DNAH1: variants seen among roughly 807,000 people sequenced by gnomAD.
DNAH1 encodes dynein axonemal heavy chain 1.
A neutral mutation model predicts 484.3 loss-of-function variants in DNAH1; 327 were observed. The ratio of observed to expected loss-of-function variants is 0.68; its 90% CI spans 0.62 to 0.74. The LOEUF (loss-of-function observed/expected upper bound fraction) is 0.74. Among genes scored for constraint, DNAH1 ranks in the 30% least tolerant of loss-of-function variants. The pLI, the probability that DNAH1 is intolerant of heterozygous loss-of-function variation, is 0.00. For missense variants in DNAH1, 5,052 were observed against 5,546.8 expected, an observed-to-expected ratio of 0.91 and a Z score of 2.83; for synonymous variants, 2,192 against 2,191.9, an observed-to-expected ratio of 1.00 and a Z score of 0.00.
At chr3:52,315,172 G>A (rs908636366), upstream of DNAH1, among the ~76,000 whole-genome samples, 7 of 152,148 alleles carry the variant, frequency 4.6e-5, no homozygotes, top group East Asian at 3.9e-4. Flanking sequence ...GACACCCCCC[G>A]CCCCCGATGC....
At position 52,378,608 on chromosome 3, in the gene DNAH1, C is replaced by A. The variant is rs749728449; in HGVS notation, c.7205C>A (p.Ala2402Asp). ...CATTCTCCTATTCCCCCAGCTGGGG[C>A]CCCCCACATTGCCCACTTCACGGAG... ...EKSYRERVPG[A>D]PHIAHFTEPL... Residue 2402 changes from alanine (A) to aspartate (D), a missense_variant, in exon 47 of 78, where the codon GCC (alanine) becomes GAC (aspartate). By Grantham distance (126) the Ala-to-Asp change is moderately radical. Transcript: ENST00000420323. 2 of 1,613,218 alleles carry A rather than the reference C, an allele frequency of 1.2e-6. No homozygotes were observed. Among genetic ancestry groups the A allele is most frequent in the Admixed American group, 1.7e-5 (1 of 59,996 alleles).
chr3:52,386,113 A>G (rs1419564422), intron 54 of DNAH1, 47 bp from the exon 55 acceptor site: 1 of 1,565,284 alleles, frequency 6.4e-7, no homozygotes, highest in South Asian at 1.2e-5. Flanking sequence ...ACTAAGATGC[A>G]GAGAAGAGAA....
chr3:52,345,499 G>A lies in DNAH1; in HGVS notation c.1449G>A (p.Leu483=). 6.4e-7 allele frequency: 1 copy of A among 1,562,244 alleles called. No homozygotes were observed. The highest frequency in any genetic ancestry group is 2.4e-5 in the East Asian group (1 of 41,720). The change falls in exon 10 of 78, where the codon CTG becomes CTA. Residue 483 remains leucine, a synonymous_variant. Coordinates refer to ENST00000420323, the MANE Select transcript of DNAH1 (RefSeq NM_015512.5). ...CCTTGGCCCCTATCCCTGCAGGGCT[G>A]GTGAGTGTCCCCAAGTACCACTTCT... ...KEEEQVPERG[L]VSVPKYHFWE...
upstream of DNAH1, among the ~76,000 whole-genome samples, chr3:52,315,240 A>G (rs1418631497): frequency 6.6e-6 from 1 of 152,162 alleles, no homozygotes; most frequent in African/African-American, 2.4e-5. Flanking sequence ...AATCAGAGGA[A>G]GATCCTGGGG....
At chr3:52,383,809 G>T in intron 51 of DNAH1, 51 bp from the exon 52 acceptor site, 1 of 1,530,382 alleles carries the variant, frequency 6.5e-7, no homozygotes. Context: ...CTGGGCTCCT[G>T]GGGTCGTTGG....
At chr3:52,336,280 A>G (rs967897658) in intron 8 of DNAH1, among the ~76,000 whole-genome samples, 2 of 152,148 alleles carry the variant, frequency 1.3e-5, no homozygotes, top group African/African-American at 4.8e-5. Flanking sequence ...GCTGGACAAG[A>G]TGGCTGACAC....
chr3:52,358,438 G>T lies in DNAH1; in HGVS notation c.4087-120G>T, dbSNP rs1559525511. The T allele has an allele frequency of 3.6e-6, 4 of 1,111,154 alleles. No individual in the cohort carries two copies. The highest frequency in any genetic ancestry group is 5.0e-6 in the Non-Finnish European group (4 of 798,436). 68.8% of individuals were successfully genotyped at this position (1,111,154 alleles called of 1,614,324 possible). ...CCAAGATAGACTCTCGGGGGGACGG[G>T]AAGGCAGGGCTTTCTTCTTGAGGTG... On this transcript the variant is annotated intron_variant, in intron 24 of 77. Transcript: ENST00000420323. This position sits in a 1 kb window ranked among gnomAD's most constrained non-coding sequence, Gnocchi z 4.2.
At chr3:52,328,396 G>T (rs1196905559) in intron 6 of DNAH1, among the ~76,000 whole-genome samples, 1 of 151,876 alleles carries the variant, frequency 6.6e-6, no homozygotes, top group African/African-American at 2.4e-5. Context: ...TTTCACTTTT[G>T]TGTGCACAAC....
At position 52,366,876 on chromosome 3, in the gene DNAH1, C is replaced by T. The variant is rs1559536603; in HGVS notation, c.5754C>T (p.Leu1918=). 1.9e-6 allele frequency: 3 copies of T among 1,612,790 alleles called. No homozygotes were observed. The highest frequency in any genetic ancestry group is 2.7e-5 in the African/African-American group (2 of 75,034). Residue 1918 remains leucine, a synonymous_variant, in exon 36 of 78, where the codon CTC becomes CTT. Coordinates refer to ENST00000420323, the MANE Select transcript of DNAH1 (RefSeq NM_015512.5). ...AGCTGTACGGGGAGTTTGACCTCCT[C>T]ACCCATGAGTGGTGAGTGACCCCCC... ...MGQLYGEFDL[L]THEWTDGIFS...
At chr3:52,356,968 T>A (rs1402474861) in intron 22 of DNAH1, among the ~76,000 whole-genome samples, 190 bp downstream of exon 22, 1 of 151,864 alleles carries the variant, frequency 6.6e-6, no homozygotes, top group East Asian at 1.9e-4. Flanking sequence ...GCACAGTCAC[T>A]GACGGTTTTT....
chr3:52,340,408 T>A (rs952365160), intron 8 of DNAH1, among the ~76,000 whole-genome samples: 1 of 148,158 alleles, frequency 6.7e-6, no homozygotes, highest in Non-Finnish European at 1.5e-5. Context: ...TCTGGTAGGA[T>A]TTTATTTATT....
upstream of DNAH1, among the ~76,000 whole-genome samples, chr3:52,312,354 A>C (rs1346830278): frequency 6.6e-6 from 1 of 152,014 alleles, no homozygotes; most frequent in African/African-American, 2.4e-5. Flanking sequence ...GTTGGACCAC[A>C]TGGAGACCTG....
rs776399291 is a variant in DNAH1, at chr3:52,327,974, G to A, written c.831G>A (p.Pro277=). 3.5e-5 allele frequency: 56 copies of A among 1,613,940 alleles called. No individual in the cohort carries two copies. The highest frequency in any genetic ancestry group is 6.6e-5 in the South Asian group (6 of 91,074). The change falls in exon 6 of 78, where the codon CCG becomes CCA. Residue 277 remains proline (P), a synonymous_variant. Transcript: ENST00000420323. ...GGTCTCTGGACAGGAAACCTGTCCC[G>A]GGAAAAGCCCTCTTGCCCACTGATG... The part of the protein sequence containing the change: ...EPGSLDRKPV[P]GKALLPTDDF...
In DNAH1 at chr3:52,370,112, A is replaced by G; in HGVS notation, c.6141A>G (p.Glu2047=). Residue 2047 remains glutamate, a splice_region_variant and synonymous_variant, in exon 39 of 78, where the codon GAA becomes GAG. Coordinates refer to ENST00000420323, the MANE Select transcript of DNAH1 (RefSeq NM_015512.5). The part of the protein sequence containing the change: ...FKALFVSFLE[E]SISFVRSSVK... The stretch of plus-strand genomic sequence containing the variant: ...AACTGGGTGCCTACTCCCTGCAGGA[A>G]TCCATCTCCTTCGTTCGGTCCTCAG... 1.2e-6 allele frequency: 2 copies of G among 1,614,002 alleles called. No homozygotes were observed. Among genetic ancestry groups the G allele is most frequent in the Non-Finnish European group, 1.7e-6 (2 of 1,179,878 alleles).
chr3:52,365,028 C>A lies in DNAH1; in HGVS notation c.5518+9C>A. On this transcript the variant is annotated intron_variant, in intron 34 of 77. Transcript: ENST00000420323. ...CCTCAAGGATGTGGAGGGTGAGCCT[C>A]GGGCCCTGAGTGTTCGTGGAGGGGC... 6.2e-7 allele frequency: 1 copy of A among 1,603,472 alleles called. No homozygotes were observed. The highest frequency in any genetic ancestry group is 1.1e-5 in the South Asian group (1 of 90,332).
rs1237516326 is a variant in DNAH1, at chr3:52,356,636, A to G, written c.3716A>G (p.Asn1239Ser). The G allele has an allele frequency of 6.2e-7, 1 of 1,613,574 alleles. No individual in the cohort carries two copies. Reference sequence around the variant, plus strand: ...CAGGAGGTTCTGGAGGAGTGGCTGAACTGTCAGCGGTCCTGGCTCTACCTG... The same window carrying G: ...CAGGAGGTTCTGGAGGAGTGGCTGAGCTGTCAGCGGTCCTGGCTCTACCTG... ...LTQEVLEEWL[N>S]CQRSWLYLEP... Residue 1239 changes from asparagine to serine, a missense_variant, in exon 22 of 78, where the codon AAC becomes AGC. Transcript: ENST00000420323.
At position 52,364,731 on chromosome 3, in the gene DNAH1, T is replaced by C. The variant is rs1046283084; in HGVS notation, c.5331+7T>C. On this transcript the variant is annotated splice_region_variant and intron_variant, in intron 33 of 77. Transcript: ENST00000420323. This position sits in a 1 kb window ranked among gnomAD's most constrained non-coding sequence, Gnocchi z 4.2. Reference sequence around the variant, plus strand: ...AAACCCCAGCATGAATGAGGTGAGCTCCACCCAGCAGGGCTCCAGGAGTGG... The same window carrying C: ...AAACCCCAGCATGAATGAGGTGAGCCCCACCCAGCAGGGCTCCAGGAGTGG... The C allele has an allele frequency of 7.5e-5, 121 of 1,612,002 alleles. No individual in the cohort carries two copies. The highest frequency in any genetic ancestry group is 1.0e-4 in the Non-Finnish European group (118 of 1,178,922).
intron 12 of DNAH1, among the ~76,000 whole-genome samples, chr3:52,348,222 A>G (rs961528496): frequency 2.6e-5 from 4 of 152,184 alleles, no homozygotes. Flanking sequence ...TGTAGCTGCT[A>G]ATGTCAGATT....
At chr3:52,348,810 A>C in intron 12 of DNAH1, 78 bp from the exon 13 acceptor site, 1 of 1,509,088 alleles carries the variant, frequency 6.6e-7, no homozygotes, top group Non-Finnish European at 9.0e-7. Flanking sequence ...GCTCCTCGGG[A>C]GGACTCCCCA....
Sources: allele counts gnomAD v4.1 joint callset (sites outside exome capture counted in the v4.1 genomes callset), GRCh38; gene constraint gnomAD v4.1.1; non-coding constraint Gnocchi (gnomAD v3.1); transcripts MANE v1.5; gene names NCBI Gene and HGNC (gene_info 2026-07-23, HGNC 2026-07-21).